MDN1: variants seen among roughly 807,000 people sequenced by gnomAD.
The protein encoded by MDN1 is midasin AAA ATPase 1, also known as midasin.
A neutral mutation model predicts 669.2 loss-of-function variants in MDN1; 266 were observed. The ratio of observed to expected loss-of-function variants is 0.40; its 90% CI spans 0.36 to 0.44. The LOEUF (loss-of-function observed/expected upper bound fraction) is 0.44, where lower values mean the gene tolerates loss of function less well. MDN1 is among the 20% of genes least tolerant of loss of function. The pLI is 1.00. For synonymous variants in MDN1, 2,385 were observed against 2,457.1 expected (o/e 0.97, Z 0.87); for missense variants, 5,940 against 6,754.0 (o/e 0.88, Z 4.22).
intron 35 of MDN1, among the ~76,000 whole-genome samples, chr6:89,729,677 G>GTTTTTTTTTTTTTTTTT (rs35914010): frequency 3.6e-4 from 36 of 100,762 alleles, no homozygotes; most frequent in Non-Finnish European, 3.9e-4. Flanking sequence ...TTTTGTTTTC[G>GTTTTTTTTTTTTTTTTT]TTTTTTTTTT....
chr6:89,758,158 T>G, intron 19 of MDN1, 97 bp downstream of exon 19: 2 of 917,706 alleles, frequency 2.2e-6, no homozygotes, highest in Non-Finnish European at 3.4e-6. Flanking sequence ...AACCGGGGAC[T>G]TGCAGTGAGC....
rs572338386 is a variant in MDN1, at chr6:89,751,301, T to C, written c.3227+130A>G. The C allele has an allele frequency of 9.2e-6, 11 of 1,199,746 alleles. No homozygotes were observed. The African/African-American group carries it at 1.5e-4, about 17-fold the overall frequency. The allele number at this position is 1,199,746 out of a possible 1,614,324, so 74.3% of individuals were successfully genotyped here. A position where few individuals can be genotyped will look rare whatever the true frequency, so the allele number is the denominator to read the frequency against. On this transcript the variant is annotated intron_variant, in intron 23 of 101. Coordinates refer to ENST00000369393, the MANE Select transcript of MDN1 (RefSeq NM_014611.3). ...CAGGAAAAAGTTATAGTACTGACTT[T>C]TGTAAGTAATTGTTCAGTTGGCCAA...
chr6:89,708,686 G>T, intron 50 of MDN1, 58 bp from the exon 51 acceptor site: 1 of 1,560,688 alleles, frequency 6.4e-7, no homozygotes, highest in Non-Finnish European at 8.7e-7. Context: ...TCCTTGCCTG[G>T]GAAGTTTCAG....
At chr6:89,657,970 G>A (rs1318641737) in intron 90 of MDN1, among the ~76,000 whole-genome samples, 2 of 152,190 alleles carry the variant, frequency 1.3e-5, no homozygotes, top group East Asian at 1.9e-4. Context: ...TATGGTGTTC[G>A]CACAATGACG....
chr6:89,664,580 C>A lies in MDN1; in HGVS notation c.14143G>T (p.Asp4715Tyr). The change falls in exon 85 of 102, where the codon GAT becomes TAT. Residue 4715 changes from aspartate (D) to tyrosine (Y), a missense_variant. This residue lies in a region of MDN1 where 2,280 missense variants were observed against 2,576.3 expected (regional missense o/e 0.88). Transcript: ENST00000369393. Reference sequence around the variant, plus strand: ...TCGCCCTTAATATCAGATTTTGAATCAGGATCCTCTTTGTCTTTTTCTTGA... The same window carrying A: ...TCGCCCTTAATATCAGATTTTGAATAAGGATCCTCTTTGTCTTTTTCTTGA... ...KGQEKDKEDP[D>Y]SKSDIKGEDN... 1 of 1,613,622 alleles carries A rather than the reference C, an allele frequency of 6.2e-7. No homozygotes were observed. The highest frequency in any genetic ancestry group is 8.5e-7 in the Non-Finnish European group (1 of 1,179,558).
At chr6:89,678,442 A>G (rs563991879) in intron 75 of MDN1, among the ~76,000 whole-genome samples, 157 bp downstream of exon 75, 27 of 152,220 alleles carry the variant, frequency 1.8e-4, no homozygotes, top group Non-Finnish European at 3.5e-4. Flanking sequence ...ATTTTCCTGC[A>G]TGTGAGTGGA....
chr6:89,819,737 C>G lies in MDN1; in HGVS notation c.-130G>C, dbSNP rs1769134203. On this transcript the variant is annotated 5_prime_UTR_variant, in exon 1 of 102. Transcript: ENST00000369393. ...GCAGGAAAGGCGTCCTCAGCTCCAG[C>G]GCCTACACCGGGAGAGGGGCACCAC... The G allele has an allele frequency of 8.5e-6, 6 of 703,856 alleles. No individual in the cohort carries two copies. Among genetic ancestry groups the G allele is most frequent in the Admixed American group, 4.6e-5 (2 of 43,158 alleles). The allele number at this position is 703,856 out of a possible 1,614,324, so 43.6% of individuals were successfully genotyped here.
chr6:89,749,863 C>T lies in MDN1; in HGVS notation c.3407-112G>A. 4.7e-6 allele frequency: 4 copies of T among 846,494 alleles called. No homozygotes were observed. The East Asian group carries it at 8.0e-5, about 17-fold the overall frequency. The allele number at this position is 846,494 out of a possible 1,614,324, so 52.4% of individuals were successfully genotyped here. On this transcript the variant is annotated intron_variant, in intron 24 of 101. Transcript: ENST00000369393. ...TATCATCAAATTTCAAAGCAAATTA[C>T]TTTCTGTAGCTAGTCTTGCCTCAAA...
At chr6:89,743,547 A>G in intron 30 of MDN1, 29 bp downstream of exon 30, 5 of 1,603,036 alleles carry the variant, frequency 3.1e-6, no homozygotes, top group Non-Finnish European at 4.3e-6. Context: ...GTTTTTTAAA[A>G]TAACAGGAAC....
rs201906992 is a variant in MDN1 at position 89,706,101 on chromosome 6, T to C, written c.8106A>G (p.Val2702=). The change falls in exon 53 of 102, where the codon GTA becomes GTG. Residue 2702 remains valine (V), a synonymous_variant. Transcript: ENST00000369393. ...CAGACACCATTCCCTGGGAGGACTG[T>C]ACCCAGAGCAGGACTAGTGCATCAC... is the stretch of plus-strand genomic sequence containing the variant. ...ELCDALVLLW[V]QSSQGMVSDA... is the part of the protein sequence containing the mutation. 8 of 1,612,340 alleles carry C rather than the reference T, an allele frequency of 5.0e-6. No homozygotes were observed. The African/African-American group carries it at 9.3e-5, about 19-fold the overall frequency.
At position 89,676,135 on chromosome 6, in the gene MDN1, G is replaced by A. The variant is rs1202904270; in HGVS notation, c.12612C>T (p.Ala4204=). Residue 4204 remains alanine (A), a synonymous_variant, in exon 77 of 102, where the codon GCC becomes GCT. Coordinates refer to ENST00000369393, the MANE Select transcript of MDN1 (RefSeq NM_014611.3). Reference sequence around the variant, plus strand: ...GAGTTGCTAGTGCTGCGTTAAGCCTGGCATGCCGTGCAAGAGAGCGATAAA... The same window carrying A: ...GAGTTGCTAGTGCTGCGTTAAGCCTAGCATGCCGTGCAAGAGAGCGATAAA... ...KYFYRSLARH[A]RLNAALATPA... The A allele has an allele frequency of 6.2e-7, 1 of 1,614,162 alleles. No homozygotes were observed. Among genetic ancestry groups the A allele is most frequent in the East Asian group, 2.2e-5 (1 of 44,880 alleles).
intron 33 of MDN1, among the ~76,000 whole-genome samples, chr6:89,738,061 C>A (rs1426658429): frequency 6.6e-6 from 1 of 152,068 alleles, no homozygotes; most frequent in Non-Finnish European, 1.5e-5. Flanking sequence ...ATAACATGTT[C>A]ATTGATGACA....
rs956141128 is a variant in MDN1, at chr6:89,704,538, A to G, written c.8148+1521T>C. Among the ~76,000 whole-genome samples the G allele has an allele frequency of 1.1e-3, 168 of 152,230 alleles. 1 individual carries two copies. Among genetic ancestry groups the G allele is most frequent in the Non-Finnish European group, 2.6e-4 (18 of 68,036 alleles). On this transcript the variant is annotated intron_variant, in intron 53 of 101. Coordinates refer to ENST00000369393, the MANE Select transcript of MDN1 (RefSeq NM_014611.3). ...GTATTTTCCAAGTTACCAGTGCACGAGCTATAAACTAATGCAGGGTCAAAG... is the reference window on the plus strand; with the variant it reads ...GTATTTTCCAAGTTACCAGTGCACGGGCTATAAACTAATGCAGGGTCAAAG...
chr6:89,761,646 T>C lies in MDN1; in HGVS notation c.2459A>G (p.Glu820Gly). 6.3e-7 allele frequency: 1 copy of C among 1,598,430 alleles called. No homozygotes were observed. The highest frequency in any genetic ancestry group is 8.5e-7 in the Non-Finnish European group (1 of 1,171,362). ...TENTLLFAFV[E>G]GTLAQAVKKG... ...GCTAAATAACAAAAACAGAAATACC[T>C]CTACAAATGCGAACAATAAGGTATT... is the stretch of plus-strand genomic sequence containing the variant. Residue 820 changes from glutamate to glycine, a missense_variant and splice_region_variant, in exon 17 of 102, where the codon GAG (glutamate) becomes GGG (glycine). Physicochemically the swap from Glu to Gly is moderately conservative, Grantham distance 98. Around this residue, in one of 5 missense-constraint regions of MDN1, gnomAD observed 1,203 missense variants for 1,268.9 expected, o/e 0.95. Coordinates refer to ENST00000369393, the MANE Select transcript of MDN1 (RefSeq NM_014611.3).
At chr6:89,749,169 C>A in intron 26 of MDN1, 54 bp downstream of exon 26, 1 of 1,468,678 alleles carries the variant, frequency 6.8e-7, no homozygotes, top group East Asian at 2.4e-5. Context: ...CAAAAGAAGC[C>A]ATGAAATTTT....
intron 37 of MDN1, among the ~76,000 whole-genome samples, chr6:89,725,804 C>T (rs952590208): frequency 6.6e-6 from 1 of 151,010 alleles, no homozygotes; most frequent in Non-Finnish European, 1.5e-5. Context: ...CTCAAACTCC[C>T]GGGCTCAAGT....
rs1286255632 is a variant in MDN1, at chr6:89,662,841, T to A, written c.14363A>T (p.Glu4788Val). ...LWGDDDEEEDEEEEDNKTEET... is the reference protein window; with the variant it reads ...LWGDDDEEEDVEEEDNKTEET... ...TTCAGTTTTATTGTCTTCTTCCTCCTCATCTTCCTCCTCATCATCATCACC... is the reference window on the plus strand; with the variant it reads ...TTCAGTTTTATTGTCTTCTTCCTCCACATCTTCCTCCTCATCATCATCACC... The change falls in exon 86 of 102, where the codon GAG becomes GTG. Residue 4788 changes from glutamate (E) to valine (V), a missense_variant. Glu to Val is a moderately radical substitution (Grantham distance 121). Coordinates refer to ENST00000369393, the MANE Select transcript of MDN1 (RefSeq NM_014611.3). The A allele has an allele frequency of 6.2e-7, 1 of 1,605,350 alleles. No individual in the cohort carries two copies. The highest frequency in any genetic ancestry group is 8.5e-7 in the Non-Finnish European group (1 of 1,172,260).
At chr6:89,665,438 G>A (rs959326309) in intron 84 of MDN1, among the ~76,000 whole-genome samples, 10 of 152,122 alleles carry the variant, frequency 6.6e-5, no homozygotes, top group Admixed American at 3.9e-4. Context: ...GCCAGGCACG[G>A]TAGCTCATGC....
In MDN1 at chr6:89,689,958, C is replaced by T. The variant is rs761522645; in HGVS notation, c.10935G>A (p.Pro3645=). The change falls in exon 65 of 102, where the codon CCG becomes CCA. Residue 3645 remains proline, a synonymous_variant. Transcript: ENST00000369393. ...ARSLWYQQTL[P]PHEAKHYLSL... Reference sequence around the variant, plus strand: ...TGAGGTAATGCTTTGCTTCATGTGGCGGCAGAGTCTGTTGATACCAGAGGG... The same window carrying T: ...TGAGGTAATGCTTTGCTTCATGTGGTGGCAGAGTCTGTTGATACCAGAGGG... 12 of 1,614,154 alleles carry T rather than the reference C, an allele frequency of 7.4e-6. No individual in the cohort carries two copies. Among genetic ancestry groups the T allele is most frequent in the East Asian group, 6.7e-5 (3 of 44,880 alleles).
Sources: allele counts gnomAD v4.1 joint callset (sites outside exome capture counted in the v4.1 genomes callset), GRCh38; gene constraint gnomAD v4.1.1; regional missense constraint gnomAD v4.1.1; transcripts MANE v1.5; gene names NCBI Gene and HGNC (gene_info 2026-07-23, HGNC 2026-07-21).